Variants in LRRC4C observed in about 807,000 individuals in gnomAD.
LRRC4C encodes the protein leucine-rich repeat-containing protein 4C.
In LRRC4C, 5 loss-of-function variants were observed where a neutral mutation model predicts 33.6. The ratio of observed to expected loss-of-function variants is 0.15; its 90% confidence interval spans 0.08 to 0.31. The LOEUF (loss-of-function observed/expected upper bound fraction) is 0.31, where lower values mean the gene tolerates loss of function less well. LRRC4C is among the 10% of genes least tolerant of loss of function. The pLI is 1.00. For synonymous variants in LRRC4C, 329 were observed against 302.0 expected (o/e 1.09, Z -0.93); for missense variants, 560 against 796.7 (o/e 0.70, Z 3.58).
chr11:40,429,686 A>C (rs186634178), intron 3 of LRRC4C, among the ~76,000 whole-genome samples: 1 of 152,200 alleles, frequency 6.6e-6, no homozygotes, highest in African/African-American at 2.4e-5. Context: ...AGTTTTAAGA[A>C]TCTCTTTGAA....
intron 1 of LRRC4C, among the ~76,000 whole-genome samples, chr11:41,377,509 A>C (rs1014836014): frequency 6.6e-6 from 1 of 152,194 alleles, no homozygotes; most frequent in Non-Finnish European, 1.5e-5. Context: ...AAACAACGAT[A>C]ACCGATAGAT....
Position 40,116,057 on chromosome 11 carries a change from C to T in LRRC4C, c.236G>A (p.Arg79Gln), listed in dbSNP as rs764669607. 5.0e-6 allele frequency: 8 copies of T among 1,613,846 alleles called. No homozygotes were observed. Among genetic ancestry groups the T allele is most frequent in the Non-Finnish European group, 4.2e-6 (5 of 1,179,994 alleles). The change falls in exon 7 of 7, where the codon CGG becomes CAG. Residue 79 changes from arginine to glutamine, a missense_variant. Physicochemically the swap from Arg to Gln is conservative, Grantham distance 43. Coordinates refer to ENST00000528697, the MANE Select transcript of LRRC4C (RefSeq NM_001258419.2). Reference protein sequence around the residue: ...EVPDGISTNTRLLNLHENQIQ... With the variant: ...EVPDGISTNTQLLNLHENQIQ... ...TTGGTTCTCATGGAGGTTCAGCAGC[C>T]GTGTGTTGGTGGAGATGCCATCCGG...
chr11:40,852,745 A>G (rs1303539292), intron 2 of LRRC4C, among the ~76,000 whole-genome samples: 1 of 152,254 alleles, frequency 6.6e-6, no homozygotes, highest in Non-Finnish European at 1.5e-5. Context: ...TAATAGGAAT[A>G]GAACTGTTGC....
intron 3 of LRRC4C, among the ~76,000 whole-genome samples, chr11:40,377,429 G>T (rs1948703907): frequency 6.6e-6 from 1 of 152,108 alleles, no homozygotes; most frequent in African/African-American, 2.4e-5. Flanking sequence ...GCATGTGTGG[G>T]TTACTTGCCT....
intron 3 of LRRC4C, among the ~76,000 whole-genome samples, chr11:40,422,044 A>T (rs146312303): frequency 1.3e-5 from 2 of 152,360 alleles, no homozygotes; most frequent in African/African-American, 4.8e-5. Context: ...TAGCTAGGTA[A>T]ATTCTGCCCA....
chr11:40,203,943 G>GTCTC (rs1862955424), intron 5 of LRRC4C, among the ~76,000 whole-genome samples: 2 of 152,174 alleles, frequency 1.3e-5, no homozygotes, highest in Non-Finnish European at 1.5e-5. Context: ...TGTTTTTAGA[G>GTCTC]ATAGAGTCTC....
intron 6 of LRRC4C, among the ~76,000 whole-genome samples, chr11:40,120,716 G>A (rs1856700065): frequency 1.3e-5 from 2 of 152,066 alleles, no homozygotes; most frequent in African/African-American, 4.8e-5. Flanking sequence ...CTGGTTGACT[G>A]GAAATAGCAC....
chr11:40,883,941 AATGTGCAGATTTGTTAC>A (rs1436293785), intron 2 of LRRC4C, among the ~76,000 whole-genome samples: 2 of 150,634 alleles, frequency 1.3e-5, no homozygotes, highest in Non-Finnish European at 2.9e-5. Context: ...ACATGTGCTG[AATGTGCAGATTTGTTAC>A]ATAGGTATAC....
At chr11:40,630,127 G>T (rs898069761) in intron 3 of LRRC4C, among the ~76,000 whole-genome samples, 1 of 151,990 alleles carries the variant, frequency 6.6e-6, no homozygotes, top group Admixed American at 6.6e-5. Context: ...TGAATTTTCT[G>T]ATGCATTCTT....
chr11:40,244,595 T>C (rs1224709326), intron 4 of LRRC4C, among the ~76,000 whole-genome samples: 1 of 152,174 alleles, frequency 6.6e-6, no homozygotes, highest in African/African-American at 2.4e-5. Flanking sequence ...TTCAAAGTCA[T>C]CCACACTTCC....
intron 2 of LRRC4C, among the ~76,000 whole-genome samples, chr11:40,846,996 A>G (rs1565128216): frequency 6.6e-6 from 1 of 152,004 alleles, no homozygotes; most frequent in Non-Finnish European, 1.5e-5. Context: ...TTGCACATTG[A>G]TTTTTGTATC....
chr11:40,374,670 G>A (rs963286576), intron 3 of LRRC4C, among the ~76,000 whole-genome samples: 11 of 152,008 alleles, frequency 7.2e-5, no homozygotes, highest in Non-Finnish European at 2.9e-5. Context: ...AGCAAGCATA[G>A]CAGAAATTAG....
chr11:40,729,527 C>T (rs1280724949), intron 2 of LRRC4C, among the ~76,000 whole-genome samples: 2 of 152,118 alleles, frequency 1.3e-5, no homozygotes, highest in Non-Finnish European at 2.9e-5. Flanking sequence ...TATGATCTTG[C>T]CTTACACAGC....
chr11:40,567,785 A>G (rs1459385859), intron 3 of LRRC4C, among the ~76,000 whole-genome samples: 2 of 152,196 alleles, frequency 1.3e-5, no homozygotes, highest in East Asian at 3.8e-4. Context: ...TTATTACTCT[A>G]GCATATGCTA....
At chr11:40,707,514 A>C (rs973331976) in intron 2 of LRRC4C, among the ~76,000 whole-genome samples, 47 of 152,188 alleles carry the variant, frequency 3.1e-4, no homozygotes, top group African/African-American at 1.1e-3. Flanking sequence ...GATTACATTT[A>C]TTGATTTGCT....
intron 1 of LRRC4C, among the ~76,000 whole-genome samples, chr11:41,080,162 T>A (rs1208449859): frequency 1.3e-5 from 2 of 152,100 alleles, no homozygotes; most frequent in Non-Finnish European, 2.9e-5. Context: ...CTCTGTAGCA[T>A]TCATAAATAG....
intron 1 of LRRC4C, among the ~76,000 whole-genome samples, chr11:41,032,774 G>A (rs1856804868): frequency 6.6e-6 from 1 of 151,886 alleles, no homozygotes. Context: ...TCACATCTGG[G>A]TTATAATTTA....
chr11:40,308,651 T>C (rs1945156799), intron 4 of LRRC4C, among the ~76,000 whole-genome samples: 1 of 152,182 alleles, frequency 6.6e-6, no homozygotes, highest in South Asian at 2.1e-4. Flanking sequence ...AAACTTTTTT[T>C]TTCCATGGAC....
At chr11:40,458,610 T>C (rs995960417) in intron 3 of LRRC4C, among the ~76,000 whole-genome samples, 4 of 152,176 alleles carry the variant, frequency 2.6e-5, no homozygotes, top group African/African-American at 9.6e-5. Flanking sequence ...TTCCCATCAT[T>C]CTCAGGTTAG....
Sources: gnomAD v4.1 joint callset for allele counts (sites outside exome capture counted in the v4.1 genomes callset) on GRCh38, gnomAD v4.1.1 for gene constraint, MANE v1.5 for transcripts, NCBI Gene and HGNC (gene_info 2026-07-23, HGNC 2026-07-21) for gene names.